The following PLCB4 variants were observed in gnomAD, a reference collection of about 807,000 sequenced individuals.
PLCB4 encodes the protein phospholipase C beta 4.
Under a neutral mutation model 178.8 loss-of-function variants are expected in PLCB4, and 77 were observed. The ratio of observed to expected loss-of-function variants is 0.43; its 90% CI spans 0.36 to 0.52. The LOEUF is 0.52. Among genes scored for constraint, PLCB4 ranks in the 20% least tolerant of loss-of-function variants. The pLI, the probability that PLCB4 is intolerant of heterozygous loss-of-function variation, is 0.00. For synonymous variants in PLCB4, 496 were observed against 490.8 expected, an observed-to-expected ratio of 1.01 and a Z score of -0.14; for missense variants, 1,024 against 1,453.4, an observed-to-expected ratio of 0.70 and a Z score of 4.80.
At chr20:9,275,276 C>T (rs775221411) in intron 3 of PLCB4, among the ~76,000 whole-genome samples, 3 of 152,086 alleles carry the variant, frequency 2.0e-5, no homozygotes, top group East Asian at 1.9e-4. Context: ...CATCAGATCT[C>T]GCAAGACTTA....
intron 3 of PLCB4, among the ~76,000 whole-genome samples, chr20:9,300,505 C>T (rs1207951375): frequency 2.0e-5 from 3 of 152,064 alleles, no homozygotes; most frequent in African/African-American, 7.2e-5. Context: ...TGAAGAACAC[C>T]TTGTTTGGCT....
chr20:9,306,178 C>T (rs1020531156), intron 3 of PLCB4, among the ~76,000 whole-genome samples: 1 of 152,152 alleles, frequency 6.6e-6, no homozygotes, highest in Non-Finnish European at 1.5e-5. Context: ...AATCTTTGTT[C>T]ACTGCAATCC....
At position 9,459,654 on chromosome 20, in the gene PLCB4, A is replaced by G. The variant is rs377707845; in HGVS notation, c.3092A>G (p.Gln1031Arg). The G allele has an allele frequency of 2.0e-4, 321 of 1,608,426 alleles. 2 individuals carry two copies. In the South Asian group the frequency reaches 2.0e-3, roughly 10 times the overall value. ...AAACAGGTCAAAGAGATTGTAGCAC[A>G]GCACACAAAGGAATGGTCAGAAATG... The part of the protein sequence containing the change: ...HKSKVKEIVA[Q>R]HTKEWSEMIN... Residue 1031 changes from glutamine (Q) to arginine (R), a missense_variant, in exon 35 of 40, where the codon CAG becomes CGG. Transcript: ENST00000378473.
chr20:9,425,185 T>G (rs1602601041), intron 28 of PLCB4, among the ~76,000 whole-genome samples: 1 of 151,940 alleles, frequency 6.6e-6, no homozygotes, highest in Non-Finnish European at 1.5e-5. Flanking sequence ...AAGTGGTAGG[T>G]TTAGGAGCAG....
chr20:9,477,810 T>C (rs2044649065), intron 39 of PLCB4, among the ~76,000 whole-genome samples: 3 of 152,138 alleles, frequency 2.0e-5, no homozygotes. Flanking sequence ...GTATAGTCTG[T>C]GGGTTAAATT....
At chr20:9,469,547 G>A (rs899874991) in intron 36 of PLCB4, among the ~76,000 whole-genome samples, 1 of 152,208 alleles carries the variant, frequency 6.6e-6, no homozygotes, top group African/African-American at 2.4e-5. Context: ...CTGAGGAAGG[G>A]ACCTTCAGAG....
chr20:9,215,814 C>T (rs932900386), intron 2 of PLCB4, among the ~76,000 whole-genome samples: 15 of 152,062 alleles, frequency 9.9e-5, no homozygotes, highest in African/African-American at 2.9e-4. Flanking sequence ...TTGTGTATAA[C>T]GATATATATG....
At chr20:9,134,449 C>T in intron 2 of PLCB4, among the ~76,000 whole-genome samples, 1 of 151,670 alleles carries the variant, frequency 6.6e-6, no homozygotes, top group East Asian at 1.9e-4. Flanking sequence ...TTGTATAACC[C>T]CATTTTTTTT....
intron 1 of PLCB4, among the ~76,000 whole-genome samples, chr20:9,095,008 G>C (rs1457360393): frequency 6.6e-6 from 1 of 152,184 alleles, no homozygotes; most frequent in Non-Finnish European, 1.5e-5. Context: ...AAGAGCAAGA[G>C]AGGAAAGGCC....
chr20:9,319,506 CG>C (rs1272362821), intron 4 of PLCB4, among the ~76,000 whole-genome samples: 2 of 152,064 alleles, frequency 1.3e-5, no homozygotes, highest in African/African-American at 2.4e-5. Flanking sequence ...AATCTTATAT[CG>C]TCTGTCTATA....
At chr20:9,222,951 A>G (rs534590153) in intron 3 of PLCB4, among the ~76,000 whole-genome samples, 30 of 152,330 alleles carry the variant, frequency 2.0e-4, no homozygotes, top group East Asian at 5.8e-4. Context: ...TTGAGGTGCT[A>G]TTGCTACTTC....
intron 12 of PLCB4, among the ~76,000 whole-genome samples, chr20:9,374,044 G>A (rs537210285): frequency 8.0e-4 from 122 of 152,226 alleles, no homozygotes; most frequent in African/African-American, 2.9e-3. Flanking sequence ...CAGATAAAAC[G>A]TATTATCTTA....
chr20:9,113,986 G>A (rs991761764), intron 2 of PLCB4, among the ~76,000 whole-genome samples: 1 of 152,120 alleles, frequency 6.6e-6, no homozygotes, highest in Non-Finnish European at 1.5e-5. Flanking sequence ...GGCTGAGGGG[G>A]GCGGATCACT....
rs151156305 is a variant in PLCB4, at chr20:9,256,668, T to C, written c.-16+39216T>C. Among the ~76,000 whole-genome samples, 146 of 152,372 alleles carry C rather than the reference T, an allele frequency of 9.6e-4. 1 individual carries two copies. The highest frequency in any genetic ancestry group is 3.2e-3 in the African/African-American group (134 of 41,588). On this transcript the variant is annotated intron_variant, in intron 3 of 39. Coordinates refer to ENST00000378473, the MANE Select transcript of PLCB4 (RefSeq NM_001377142.1). ...TCGTTACAGATACTTAACATCATATTGTCTTCTCCCTTGAGGAACATATCT... is the reference window on the plus strand; with the variant it reads ...TCGTTACAGATACTTAACATCATATCGTCTTCTCCCTTGAGGAACATATCT...
intron 32 of PLCB4, among the ~76,000 whole-genome samples, chr20:9,450,748 A>C (rs934670802): frequency 6.9e-6 from 1 of 145,204 alleles, no homozygotes; most frequent in Non-Finnish European, 1.5e-5. Context: ...TCCCGGGTTC[A>C]AGCAATTCTC....
In PLCB4 at chr20:9,453,097, G is replaced by A. The variant is rs543952874; in HGVS notation, c.2881-250G>A. ...TTCGAGATGATTGGCACTACCCACT[G>A]CTGAGCAGGAGTGCATTTGAACTGG... On this transcript the variant is annotated intron_variant, in intron 32 of 39. Coordinates refer to ENST00000378473, the MANE Select transcript of PLCB4 (RefSeq NM_001377142.1). Among the ~76,000 whole-genome samples the A allele has an allele frequency of 1.7e-3, 266 of 152,298 alleles. 1 individual carries two copies. The highest frequency in any genetic ancestry group is 6.2e-3 in the African/African-American group (257 of 41,570).
At chr20:9,398,596 G>C (rs2038785214) in intron 19 of PLCB4, among the ~76,000 whole-genome samples, 1 of 152,048 alleles carries the variant, frequency 6.6e-6, no homozygotes, top group Non-Finnish European at 1.5e-5. Flanking sequence ...AGAAAACAAT[G>C]TTAATAATAA....
intron 2 of PLCB4, among the ~76,000 whole-genome samples, chr20:9,131,207 T>C (rs1183529674): frequency 2.0e-5 from 3 of 152,208 alleles, no homozygotes; most frequent in African/African-American, 4.8e-5. Flanking sequence ...CATCAATTGA[T>C]TTATCAACCA....
At position 9,347,310 on chromosome 20, in the gene PLCB4, G is replaced by A. The variant is rs76471603; in HGVS notation, c.369+8273G>A. Among the ~76,000 whole-genome samples, 581 of 152,216 alleles carry A rather than the reference G, an allele frequency of 3.8e-3. 3 individuals carry two copies. Among genetic ancestry groups the A allele is most frequent in the African/African-American group, 0.013 (544 of 41,520 alleles). On this transcript the variant is annotated intron_variant, in intron 7 of 39. Transcript: ENST00000378473. The stretch of plus-strand genomic sequence containing the variant: ...GTTTTCATGTCCATTTAATACTAAC[G>A]TGGATTTTTTACATGAAATCTCTTG...
Sources: allele counts gnomAD v4.1 joint callset (sites outside exome capture counted in the v4.1 genomes callset), GRCh38; gene constraint gnomAD v4.1.1; transcripts MANE v1.5; gene names NCBI Gene and HGNC (gene_info 2026-07-23, HGNC 2026-07-21).